The following LHPP variants were observed in gnomAD, a reference collection of about 807,000 sequenced individuals.
The protein encoded by LHPP is phospholysine phosphohistidine inorganic pyrophosphate phosphatase.
LHPP carries 24 observed loss-of-function variants against 30.3 expected under a neutral mutation model. That is an observed-to-expected ratio of 0.79 (90% CI 0.57 to 1.11). The LOEUF (loss-of-function observed/expected upper bound fraction) is 1.11. LHPP is among the 50% of genes most tolerant of loss of function. The probability of loss-of-function intolerance (pLI) is 0.00; values close to 1 mark genes in which losing one functional copy is unlikely to be tolerated. For synonymous variants in LHPP, 150 were observed against 157.1 expected (o/e 0.95, Z 0.34); for missense variants, 356 against 367.2 (o/e 0.97, Z 0.25).
intron 1 of LHPP, among the ~76,000 whole-genome samples, chr10:124,477,030 A>T (rs1338820352): frequency 1.3e-5 from 2 of 152,132 alleles, no homozygotes; most frequent in East Asian, 3.9e-4. Flanking sequence ...ACATAGCGAA[A>T]CCCGTCTACT....
In LHPP at chr10:124,523,422, C is replaced by T. The variant is rs1377948220; in HGVS notation, c.716+6151C>T. ...TGCGTCGGGAGGGAGAGTGCCCCCA[C>T]GCCTGGCCTTTGACCTTGGAAGCGG... On this transcript the variant is annotated intron_variant, in intron 6 of 6. Coordinates refer to ENST00000368842, the MANE Select transcript of LHPP (RefSeq NM_022126.4). The surrounding 1 kb of genome is among the most constrained non-coding windows in gnomAD (Gnocchi z 4.2). Among the ~76,000 whole-genome samples, 7 of 152,178 alleles carry T rather than the reference C, an allele frequency of 4.6e-5. No homozygotes were observed. The highest frequency in any genetic ancestry group is 1.2e-4 in the African/African-American group (5 of 41,448).
At chr10:124,601,942 A>G (rs1949028555) in intron 6 of LHPP, among the ~76,000 whole-genome samples, 1 of 152,158 alleles carries the variant, frequency 6.6e-6, no homozygotes, top group Non-Finnish European at 1.5e-5. Context: ...CACTCGCAGC[A>G]TGCACCACTC....
intron 1 of LHPP, among the ~76,000 whole-genome samples, chr10:124,473,817 A>C (rs1952862356): frequency 6.6e-6 from 1 of 152,096 alleles, no homozygotes; most frequent in South Asian, 2.1e-4. Context: ...AGCTGGGTGC[A>C]GTGGTTTGCA....
chr10:124,555,771 A>G (rs931872105), intron 6 of LHPP, among the ~76,000 whole-genome samples: 5 of 152,156 alleles, frequency 3.3e-5, no homozygotes, highest in Non-Finnish European at 7.4e-5. Flanking sequence ...TCAATATAAT[A>G]GTTTGCATTT....
intron 1 of LHPP, among the ~76,000 whole-genome samples, chr10:124,482,215 A>T (rs1953161765): frequency 6.6e-6 from 1 of 152,206 alleles, no homozygotes; most frequent in Admixed American, 6.5e-5. Context: ...ATTGGGCCAC[A>T]TCTGTAAACA....
intron 6 of LHPP, among the ~76,000 whole-genome samples, chr10:124,588,803 C>T (rs1948839671): frequency 6.6e-6 from 1 of 152,192 alleles, no homozygotes; most frequent in South Asian, 2.1e-4. Flanking sequence ...CAAGGCCTCC[C>T]TTGTCCCCTC....
At chr10:124,489,783 G>A in intron 3 of LHPP, 2 of 162,946 alleles carry the variant, frequency 1.2e-5, no homozygotes, top group East Asian at 2.0e-4. Context: ...TTTTTTTTCT[G>A]CTTATAAGTT....
chr10:124,528,127 C>T (rs1467981165), intron 6 of LHPP, among the ~76,000 whole-genome samples: 2 of 152,182 alleles, frequency 1.3e-5, no homozygotes, highest in Non-Finnish European at 2.9e-5. Flanking sequence ...GCTGTGTGGG[C>T]TGAACAGGGG....
chr10:124,578,454 G>A (rs146959631), intron 6 of LHPP, among the ~76,000 whole-genome samples: 68 of 152,368 alleles, frequency 4.5e-4, no homozygotes, highest in African/African-American at 1.6e-3. Context: ...TTATTCAGCA[G>A]GGGTTCTTGA....
chr10:124,490,178 G>A (rs767662013), intron 3 of LHPP: 4 of 178,818 alleles, frequency 2.2e-5, no homozygotes, highest in Non-Finnish European at 4.6e-5. Context: ...GTCTCTCCTC[G>A]TCTGTGGGTA....
At position 124,523,510 on chromosome 10, in the gene LHPP, T is replaced by G. The variant is rs986409522; in HGVS notation, c.716+6239T>G. 1.3e-5 allele frequency among the ~76,000 whole-genome samples: 2 copies of G among 152,198 alleles called. No homozygotes were observed. The highest frequency in any genetic ancestry group is 2.4e-5 in the African/African-American group (1 of 41,452). On this transcript the variant is annotated intron_variant, in intron 6 of 6. Transcript: ENST00000368842. The surrounding 1 kb of genome is among the most constrained non-coding windows in gnomAD (Gnocchi z 4.2). ...GACTTCGCAGTGACGGATTTCAGAG[T>G]GTTTCCTGTTACGAGAAGGCTGTGG...
At chr10:124,530,518 CAT>C (rs1286597871) in intron 6 of LHPP, among the ~76,000 whole-genome samples, 1 of 130,398 alleles carries the variant, frequency 7.7e-6, no homozygotes, top group Non-Finnish European at 1.6e-5. Context: ...ATGCTGGCCT[CAT>C]AGTGCATGCA....
In LHPP at chr10:124,527,608, G is replaced by A. The variant is rs535305792; in HGVS notation, c.716+10337G>A. On this transcript the variant is annotated intron_variant, in intron 6 of 6. Coordinates refer to ENST00000368842, the MANE Select transcript of LHPP (RefSeq NM_022126.4). ...GCTCTCCCTGACTTTTCATGAGCCCGGGGGCTGAAACCAGAGCAGCAGGGA... is the reference window on the plus strand; with the variant it reads ...GCTCTCCCTGACTTTTCATGAGCCCAGGGGCTGAAACCAGAGCAGCAGGGA... Among the ~76,000 whole-genome samples, 678 of 152,208 alleles carry A rather than the reference G, an allele frequency of 4.5e-3. 2 individuals carry two copies. Among genetic ancestry groups the A allele is most frequent in the South Asian group, 0.012 (58 of 4,810 alleles).
chr10:124,595,788 AAAAT>A (rs968826710), intron 6 of LHPP, among the ~76,000 whole-genome samples: 9 of 152,198 alleles, frequency 5.9e-5, no homozygotes, highest in East Asian at 1.9e-4. Context: ...GGGACACTTA[AAAAT>A]AAATAAATAA....
intron 6 of LHPP, among the ~76,000 whole-genome samples, chr10:124,532,571 A>T (rs1053291474): frequency 1.3e-5 from 2 of 152,150 alleles, no homozygotes; most frequent in Admixed American, 1.3e-4. Flanking sequence ...GCTCTATCCC[A>T]TGTAGAGCCA....
chr10:124,536,157 G>A (rs12259270), intron 6 of LHPP, among the ~76,000 whole-genome samples: 47,381 of 152,212 alleles, frequency 0.31, 8,111 homozygotes, highest in Non-Finnish European at 0.39. Flanking sequence ...CCCCTGCCGC[G>A]TGTGCGTGCA....
intron 6 of LHPP, among the ~76,000 whole-genome samples, chr10:124,543,326 C>T (rs1955248700): frequency 6.6e-6 from 1 of 152,278 alleles, no homozygotes; most frequent in South Asian, 2.1e-4. Context: ...GACCCCTAGA[C>T]ACCCCCGGTC....
chr10:124,483,526 A>C (rs910749068), intron 1 of LHPP, among the ~76,000 whole-genome samples: 4 of 152,064 alleles, frequency 2.6e-5, no homozygotes, highest in Non-Finnish European at 5.9e-5. Context: ...TAATCCCAGC[A>C]CTTTGGGACA....
At chr10:124,543,323 A>G (rs1310441494) in intron 6 of LHPP, among the ~76,000 whole-genome samples, 1 of 152,220 alleles carries the variant, frequency 6.6e-6, no homozygotes, top group Non-Finnish European at 1.5e-5. Context: ...CCAGACCCCT[A>G]GACACCCCCG....
Sources: gnomAD v4.1 joint callset for allele counts (sites outside exome capture counted in the v4.1 genomes callset) on GRCh38, gnomAD v4.1.1 for gene constraint, Gnocchi (gnomAD v3.1) non-coding constraint, MANE v1.5 for transcripts, NCBI Gene and HGNC (gene_info 2026-07-23, HGNC 2026-07-21) for gene names.